Variants in BAHD1 observed in about 807,000 individuals in gnomAD.
The protein encoded by BAHD1 is bromo adjacent homology domain containing 1.
BAHD1 carries 20 observed loss-of-function variants against 63.1 expected under a neutral mutation model. That is an observed-to-expected ratio of 0.32 (90% CI 0.22 to 0.46). The LOEUF is 0.46. Among genes scored for constraint, BAHD1 ranks in the 20% least tolerant of loss-of-function variants. The pLI, the probability that BAHD1 is intolerant of heterozygous loss-of-function variation, is 1.00. For synonymous variants in BAHD1, 408 were observed against 426.8 expected (o/e 0.96, Z 0.54); for missense variants, 939 against 1,071.8 (o/e 0.88, Z 1.73).
rs1169973289 is a variant in BAHD1, at chr15:40,441,177, T to C, written c.-106T>C. The C allele has an allele frequency of 1.3e-5, 2 of 150,244 alleles. No homozygotes were observed. Among genetic ancestry groups the C allele is most frequent in the Non-Finnish European group, 3.0e-5 (2 of 67,510 alleles). The allele number at this position is 150,244 out of a possible 1,614,324, so 9.3% of individuals were successfully genotyped here. On this transcript the variant is annotated 5_prime_UTR_variant, in exon 1 of 7. Coordinates refer to ENST00000416165, the MANE Select transcript of BAHD1 (RefSeq NM_014952.5). ...GACGCAGCAGCGTGGAGCCCGGGAA[T>C]TGAGCGCCCCCGGGGGGTTCCAGCC...
chr15:40,456,361 G>A (rs534431115), intron 1 of BAHD1, among the ~76,000 whole-genome samples: 14 of 152,294 alleles, frequency 9.2e-5, no homozygotes, highest in East Asian at 1.9e-4. Flanking sequence ...CCTAGCAGAT[G>A]CCTGGGATTT....
chr15:40,464,164 T>C, intron 4 of BAHD1, 144 bp downstream of exon 4: 1 of 1,011,492 alleles, frequency 9.9e-7, no homozygotes, highest in Non-Finnish European at 1.4e-6. Flanking sequence ...TCGGCTGGGG[T>C]CTCTCTGCTG....
chr15:40,441,019 C>A lies in BAHD1; in HGVS notation c.-264C>A, dbSNP rs1393371918. 6.8e-6 allele frequency among the ~76,000 whole-genome samples: 1 copy of A among 147,666 alleles called. No individual in the cohort carries two copies. The highest frequency in any genetic ancestry group is 1.5e-5 in the Non-Finnish European group (1 of 66,204). ...GCCCGGCCCCCGCCGCCCGCCCGTC[C>A]GGCTGCCTGCCCCGCCCGTCCGGCC... On this transcript the variant is annotated 5_prime_UTR_variant, in exon 1 of 7. Transcript: ENST00000416165.
At position 40,459,405 on chromosome 15, in the gene BAHD1, T is replaced by G. The variant is rs1410108807; in HGVS notation, c.941T>G (p.Leu314Arg). Reference protein sequence around the residue: ...LESPLGLRPHLPLLMGGQAAL... With the variant: ...LESPLGLRPHRPLLMGGQAAL... ...AGCCCTTTGGGGCTGCGCCCTCACC[T>G]GCCCCTGCTGATGGGTGGACAGGCG... Residue 314 changes from leucine to arginine, a missense_variant, in exon 2 of 7, where the codon CTG (leucine) becomes CGG (arginine). Around this residue, in one of 5 missense-constraint regions of BAHD1, gnomAD observed 797 missense variants for 813.3 expected, o/e 0.98. Transcript: ENST00000416165. 1 of 1,612,962 alleles carries G rather than the reference T, an allele frequency of 6.2e-7. No individual in the cohort carries two copies. Among genetic ancestry groups the G allele is most frequent in the Admixed American group, 1.7e-5 (1 of 59,942 alleles).
At chr15:40,446,587 G>A (rs1893546848) in intron 1 of BAHD1, among the ~76,000 whole-genome samples, 1 of 152,236 alleles carries the variant, frequency 6.6e-6, no homozygotes, top group Non-Finnish European at 1.5e-5. Flanking sequence ...GAGAAAAAAA[G>A]GGGTTTGTCT....
At chr15:40,444,543 C>T (rs567922439) in intron 1 of BAHD1, among the ~76,000 whole-genome samples, 2 of 152,200 alleles carry the variant, frequency 1.3e-5, no homozygotes, top group African/African-American at 2.4e-5. Flanking sequence ...CTTCTCAAAC[C>T]GGGTGCAAAT....
chr15:40,460,307 C>A (rs1894001316), intron 2 of BAHD1, among the ~76,000 whole-genome samples: 1 of 152,132 alleles, frequency 6.6e-6, no homozygotes, highest in African/African-American at 2.4e-5. Flanking sequence ...AGCTAGAATT[C>A]CCTAGTTTCT....
intron 2 of BAHD1, among the ~76,000 whole-genome samples, chr15:40,461,672 G>A (rs1360042654): frequency 1.3e-5 from 2 of 151,922 alleles, no homozygotes; most frequent in Non-Finnish European, 2.9e-5. Flanking sequence ...TAAAAAGGAT[G>A]TTCCAACCAC....
chr15:40,444,767 T>C (rs778848376), intron 1 of BAHD1, among the ~76,000 whole-genome samples: 23 of 152,120 alleles, frequency 1.5e-4, no homozygotes, highest in Non-Finnish European at 2.5e-4. Context: ...CCCTGGACCA[T>C]GGGGGAAACG....
chr15:40,442,518 T>C (rs1893432898), intron 1 of BAHD1, among the ~76,000 whole-genome samples: 1 of 152,116 alleles, frequency 6.6e-6, no homozygotes, highest in African/African-American at 2.4e-5. Flanking sequence ...CTGTCAAGAA[T>C]GAGGGGTTTT....
rs1358824539 is a variant in BAHD1 at position 40,461,960 on chromosome 15, G to A, written c.1481G>A (p.Gly494Asp). 2 of 1,610,214 alleles carry A rather than the reference G, an allele frequency of 1.2e-6. No homozygotes were observed. ...TTGGAATTTCCTCTCCCGGAAGCTGGCCACCCAGCCTCACCCGCCCACCCA... is the reference window on the plus strand; with the variant it reads ...TTGGAATTTCCTCTCCCGGAAGCTGACCACCCAGCCTCACCCGCCCACCCA... ...GQLEFPLPEAGHPASPAHPLL... is the reference protein window; with the variant it reads ...GQLEFPLPEADHPASPAHPLL... The change falls in exon 3 of 7, where the codon GGC (glycine) becomes GAC (aspartate). Residue 494 changes from glycine (G) to aspartate (D), a missense_variant. Around this residue, in one of 5 missense-constraint regions of BAHD1, gnomAD observed 797 missense variants for 813.3 expected, o/e 0.98. Coordinates refer to ENST00000416165, the MANE Select transcript of BAHD1 (RefSeq NM_014952.5).
chr15:40,457,269 C>T (rs1257066561), intron 1 of BAHD1, among the ~76,000 whole-genome samples: 4 of 152,176 alleles, frequency 2.6e-5, no homozygotes, highest in East Asian at 1.9e-4. Flanking sequence ...GGCAGGTCTA[C>T]GCACCGTCCC....
In BAHD1 at chr15:40,467,091, C is replaced by G. The variant is rs539215427; in HGVS notation, c.*961C>G. ...CTTGCCCTGCCACCCTTTCCCTAGT[C>G]TTTTGTAGATTGCACTAATTTACAT... is the stretch of plus-strand genomic sequence containing the variant. On this transcript the variant is annotated 3_prime_UTR_variant, in exon 7 of 7. Transcript: ENST00000416165. 2.6e-5 allele frequency: 4 copies of G among 152,732 alleles called. No individual in the cohort carries two copies. The highest frequency in any genetic ancestry group is 1.9e-4 in the East Asian group (1 of 5,196). The allele number at this position is 152,732 out of a possible 1,614,324, so 9.5% of individuals were successfully genotyped here.
chr15:40,458,563 G>C lies in BAHD1; in HGVS notation c.99G>C (p.Gly33=), dbSNP rs759099807. The C allele has an allele frequency of 2.5e-6, 4 of 1,614,020 alleles. No individual in the cohort carries two copies. Among genetic ancestry groups the C allele is most frequent in the Non-Finnish European group, 3.4e-6 (4 of 1,179,988 alleles). The change falls in exon 2 of 7, where the codon GGG becomes GGC. Residue 33 remains glycine (G), a synonymous_variant. Transcript: ENST00000416165. The surrounding 1 kb of genome is among the most constrained non-coding windows in gnomAD (Gnocchi z 4.7). ...LQMEDSNMEQ[G]VEGVEPGMPE... ...TGGAAGACAGCAACATGGAGCAGGG[G>C]GTTGAGGGTGTGGAGCCAGGCATGC...
At chr15:40,447,250 G>A (rs1893564944) in intron 1 of BAHD1, among the ~76,000 whole-genome samples, 1 of 152,110 alleles carries the variant, frequency 6.6e-6, no homozygotes, top group African/African-American at 2.4e-5. Context: ...TTCCACATTG[G>A]CTAGAATGTA....
chr15:40,454,975 A>C (rs572798895), intron 1 of BAHD1, among the ~76,000 whole-genome samples: 1 of 152,232 alleles, frequency 6.6e-6, no homozygotes, highest in South Asian at 2.1e-4. Flanking sequence ...CACCCCAGGG[A>C]AAAAGTTGCA....
At position 40,458,524 on chromosome 15, in the gene BAHD1, A is replaced by G; in HGVS notation, c.60A>G (p.Arg20=). Reference sequence around the variant, plus strand: ...TGAGTTCGGGCCTCACTGGCCGCCGAGAGCCCCTGCAGATGGAAGACAGCA... The same window carrying G: ...TGAGTTCGGGCCTCACTGGCCGCCGGGAGCCCCTGCAGATGGAAGACAGCA... ...PMLSSGLTGR[R]EPLQMEDSNM... is the part of the protein sequence containing the mutation. The change falls in exon 2 of 7, where the codon CGA becomes CGG. Residue 20 remains arginine, a synonymous_variant. Coordinates refer to ENST00000416165, the MANE Select transcript of BAHD1 (RefSeq NM_014952.5). This position sits in a 1 kb window ranked among gnomAD's most constrained non-coding sequence, Gnocchi z 4.7. The G allele has an allele frequency of 1.2e-6, 2 of 1,612,810 alleles. No individual in the cohort carries two copies. The highest frequency in any genetic ancestry group is 2.2e-5 in the East Asian group (1 of 44,872).
chr15:40,465,595 C>G (rs946619551), intron 6 of BAHD1, among the ~76,000 whole-genome samples, 160 bp downstream of exon 6: 1 of 152,204 alleles, frequency 6.6e-6, no homozygotes, highest in Admixed American at 6.5e-5. Flanking sequence ...TTGCTTGCCT[C>G]TACCATCTGA....
chr15:40,443,243 G>A (rs1432807187), intron 1 of BAHD1: 3 of 985,112 alleles, frequency 3.0e-6, no homozygotes, highest in South Asian at 4.7e-5. Flanking sequence ...ATGGGCATGG[G>A]AGTTTATTCA....
Sources: gnomAD v4.1 joint callset for allele counts (sites outside exome capture counted in the v4.1 genomes callset) on GRCh38, gnomAD v4.1.1 for gene constraint, gnomAD v4.1.1 regional missense constraint, Gnocchi (gnomAD v3.1) non-coding constraint, MANE v1.5 for transcripts, NCBI Gene and HGNC (gene_info 2026-07-23, HGNC 2026-07-21) for gene names.